EIF4E: variants seen among roughly 807,000 people sequenced by gnomAD.
The protein encoded by EIF4E is eIF-4F 25 kDa subunit.
For missense variants in EIF4E, 113 were observed against 265.6 expected, an observed-to-expected ratio of 0.43 and a Z score of 3.99; for synonymous variants, 71 against 88.5, an observed-to-expected ratio of 0.80 and a Z score of 1.11.
chr4:98,885,165 T>C, intron 5 of EIF4E, 104 bp from the exon 6 acceptor site: 1 of 1,362,990 alleles, frequency 7.3e-7, no homozygotes. Context: ...AGTTTTTAAA[T>C]CAAGAGTTAA....
chr4:98,885,319 T>C (rs1479580747), intron 5 of EIF4E, among the ~76,000 whole-genome samples: 1 of 152,270 alleles, frequency 6.6e-6, no homozygotes, highest in Non-Finnish European at 1.5e-5. Context: ...ATTTTATTAA[T>C]ATTCATTTGC....
chr4:98,927,115 ATACT>A (rs1208878180), intron 1 of EIF4E, among the ~76,000 whole-genome samples: 1 of 152,208 alleles, frequency 6.6e-6, no homozygotes, highest in East Asian at 1.9e-4. Context: ...TATATTTTAC[ATACT>A]TATTCTTCAT....
rs558572769 is a variant in EIF4E, at chr4:98,907,275, T to A, written c.19-5293A>T. Among the ~76,000 whole-genome samples the A allele has an allele frequency of 9.5e-4, 145 of 152,326 alleles. 1 individual carries two copies. Among genetic ancestry groups the A allele is most frequent in the Admixed American group, 2.0e-3 (30 of 15,306 alleles). ...TAAAGTAAATTGAAGTAAGGAAACCTACTTTTCCTACTTTTAAAGGTACTC... is the reference window on the plus strand; with the variant it reads ...TAAAGTAAATTGAAGTAAGGAAACCAACTTTTCCTACTTTTAAAGGTACTC... On this transcript the variant is annotated intron_variant, in intron 1 of 6. Coordinates refer to ENST00000450253, the MANE Select transcript of EIF4E (RefSeq NM_001968.5).
intron 1 of EIF4E, among the ~76,000 whole-genome samples, chr4:98,920,633 T>C (rs1046444644): frequency 1.3e-5 from 2 of 152,050 alleles, no homozygotes; most frequent in African/African-American, 2.4e-5. Flanking sequence ...CTATAGGCTT[T>C]ACCAAATTGC....
chr4:98,919,558 CTT>C (rs532537834), intron 1 of EIF4E, among the ~76,000 whole-genome samples: 14 of 131,862 alleles, frequency 1.1e-4, no homozygotes, highest in Admixed American at 2.3e-4. Context: ...GATTCTTTTT[CTT>C]TTTTTTTTTT....
At chr4:98,917,048 T>C (rs922459281) in intron 1 of EIF4E, among the ~76,000 whole-genome samples, 1 of 150,586 alleles carries the variant, frequency 6.6e-6, no homozygotes, top group Non-Finnish European at 1.5e-5. Flanking sequence ...GCTGCTATGA[T>C]TAAAATGCCT....
chr4:98,886,449 C>A (rs1560634139), intron 5 of EIF4E: 1 of 445,010 alleles, frequency 2.2e-6, no homozygotes, highest in Non-Finnish European at 4.5e-6. Context: ...CACAGTGACT[C>A]ACACCTGTAA....
At chr4:98,916,127 G>T (rs1372887688) in intron 1 of EIF4E, among the ~76,000 whole-genome samples, 1 of 151,780 alleles carries the variant, frequency 6.6e-6, no homozygotes, top group African/African-American at 2.4e-5. Context: ...AGAGACAGAG[G>T]TTGCAGTGAG....
At chr4:98,916,895 G>A (rs554337303) in intron 1 of EIF4E, among the ~76,000 whole-genome samples, 1 of 152,130 alleles carries the variant, frequency 6.6e-6, no homozygotes, top group East Asian at 1.9e-4. Flanking sequence ...TGGAAGGGTG[G>A]AACACAAAAG....
chr4:98,909,441 C>T (rs1725012739), intron 1 of EIF4E: 5 of 485,530 alleles, frequency 1.0e-5, no homozygotes, highest in South Asian at 7.8e-5. Flanking sequence ...AAAAGAATCA[C>T]GTTCTCACAC....
intron 6 of EIF4E, among the ~76,000 whole-genome samples, chr4:98,882,158 C>T (rs956486239): frequency 4.0e-5 from 6 of 151,558 alleles, no homozygotes; most frequent in South Asian, 2.1e-4. Context: ...TTTGGGAGGC[C>T]GAGGCGGGCG....
chr4:98,920,299 CTTT>C (rs1031159172), intron 1 of EIF4E, among the ~76,000 whole-genome samples: 1 of 151,294 alleles, frequency 6.6e-6, no homozygotes, highest in African/African-American at 2.4e-5. Flanking sequence ...TTAAAACATT[CTTT>C]TTTCTTTTTT....
intron 1 of EIF4E, among the ~76,000 whole-genome samples, chr4:98,911,770 A>C (rs1560649368): frequency 6.6e-6 from 1 of 151,398 alleles, no homozygotes; most frequent in Non-Finnish European, 1.5e-5. Context: ...GTACCTACTG[A>C]TCAAATTACT....
At chr4:98,905,507 G>T (rs1199391080) in intron 1 of EIF4E, among the ~76,000 whole-genome samples, 1 of 152,162 alleles carries the variant, frequency 6.6e-6, no homozygotes, top group Non-Finnish European at 1.5e-5. Flanking sequence ...TGAAACCAAA[G>T]AGCTAGAATG....
chr4:98,904,632 G>A (rs557779578), intron 1 of EIF4E, among the ~76,000 whole-genome samples: 77 of 152,086 alleles, frequency 5.1e-4, no homozygotes, highest in African/African-American at 1.7e-3. Flanking sequence ...TTAGCTGGGC[G>A]TGGTAGCACG....
intron 1 of EIF4E, among the ~76,000 whole-genome samples, chr4:98,927,505 A>T (rs966315579): frequency 6.6e-6 from 1 of 151,912 alleles, no homozygotes; most frequent in Non-Finnish European, 1.5e-5. Context: ...AAAATACAAA[A>T]ATTAGCCAGG....
chr4:98,898,431 A>T (rs1724509563), intron 2 of EIF4E, among the ~76,000 whole-genome samples: 1 of 151,926 alleles, frequency 6.6e-6, no homozygotes, highest in Admixed American at 6.6e-5. Context: ...ACATGGTGAA[A>T]CCCCGTCTCT....
intron 2 of EIF4E, chr4:98,895,429 A>G (rs1724336896): frequency 6.6e-6 from 1 of 152,234 alleles, no homozygotes; most frequent in South Asian, 2.1e-4. Flanking sequence ...ATTAAACTGA[A>G]TATTCTCTGA....
intron 1 of EIF4E, among the ~76,000 whole-genome samples, chr4:98,920,418 A>G (rs1472858180): frequency 2.0e-5 from 3 of 151,834 alleles, no homozygotes; most frequent in African/African-American, 7.3e-5. Context: ...CTCTTGCCTC[A>G]GCCTTAGCTG....
Sources: gnomAD v4.1 joint callset for allele counts (sites outside exome capture counted in the v4.1 genomes callset) on GRCh38, gnomAD v4.1.1 for gene constraint, MANE v1.5 for transcripts, NCBI Gene and HGNC (gene_info 2026-07-23, HGNC 2026-07-21) for gene names.